N4BP2: variants seen among roughly 807,000 people sequenced by gnomAD.
N4BP2 encodes NEDD4-binding protein 2.
In N4BP2, 91 loss-of-function variants were observed where a neutral mutation model predicts 152.8. That is an observed-to-expected ratio of 0.60 (90% CI 0.50 to 0.71). N4BP2 has a LOEUF of 0.71. Among genes scored for constraint, N4BP2 ranks in the 30% least tolerant of loss-of-function variants. The pLI, the probability that N4BP2 is intolerant of heterozygous loss-of-function variation, is 0.00. For missense variants in N4BP2, 1,923 were observed against 2,059.1 expected, an observed-to-expected ratio of 0.93 and a Z score of 1.28; for synonymous variants, 646 against 705.3, an observed-to-expected ratio of 0.92 and a Z score of 1.33.
At chr4:40,178,309 T>C in the N4BP2 span, among the ~76,000 whole-genome samples, 1 of 152,036 alleles carries the variant, frequency 6.6e-6, no homozygotes, top group Non-Finnish European at 1.5e-5. Flanking sequence ...AATGAATAAA[T>C]TGGAAAATAA....
In N4BP2 at chr4:40,103,066, A is replaced by G; in HGVS notation, c.1221A>G (p.Pro407=). The G allele has an allele frequency of 6.2e-7, 1 of 1,614,190 alleles. No individual in the cohort carries two copies. The highest frequency in any genetic ancestry group is 8.5e-7 in the Non-Finnish European group (1 of 1,180,026). ...FPPSVISHTS[P]TKVWRNKDGT... ...CCTCAGTTATTTCTCACACTTCCCC[A>G]ACAAAAGTATGGAGAAATAAAGATG... Residue 407 remains proline (P), a synonymous_variant, in exon 4 of 18, where the codon CCA becomes CCG. Coordinates refer to ENST00000261435, the MANE Select transcript of N4BP2 (RefSeq NM_018177.6).
Position 40,139,368 on chromosome 4 carries a change from G to A in N4BP2, c.4785+2286G>A, listed in dbSNP as rs191766827. Among the ~76,000 whole-genome samples the A allele has an allele frequency of 2.4e-3, 361 of 152,068 alleles. 1 individual carries two copies. The highest frequency in any genetic ancestry group is 8.2e-3 in the African/African-American group (342 of 41,472). On this transcript the variant is annotated intron_variant, in intron 14 of 17. Coordinates refer to ENST00000261435, the MANE Select transcript of N4BP2 (RefSeq NM_018177.6). Reference sequence around the variant, plus strand: ...CGCCTCAGCCTTCCAAAGTGCTAGGGTTACAGGCTTGAGCCACCGCACCTG... The same window carrying A: ...CGCCTCAGCCTTCCAAAGTGCTAGGATTACAGGCTTGAGCCACCGCACCTG...
downstream of N4BP2, among the ~76,000 whole-genome samples, chr4:40,159,075 A>G (rs1021081936): frequency 4.6e-5 from 7 of 152,244 alleles, no homozygotes; most frequent in African/African-American, 1.4e-4. Context: ...TGCTATCCCA[A>G]TTTAATGAAT....
chr4:40,057,294 C>A (rs938843375), intron 1 of N4BP2: 1 of 152,520 alleles, frequency 6.6e-6, no homozygotes, highest in Non-Finnish European at 1.5e-5. Context: ...AAGGCGGGGG[C>A]CGCGGCCGCT....
chr4:40,171,045 A>C, the N4BP2 span, among the ~76,000 whole-genome samples: 3 of 152,208 alleles, frequency 2.0e-5, no homozygotes, highest in Non-Finnish European at 4.4e-5. Flanking sequence ...AGATTGGTGT[A>C]TATTTTATTT....
At chr4:40,117,765 G>T (rs1314803385) in intron 7 of N4BP2, 104 bp from the exon 8 acceptor site, 1 of 889,042 alleles carries the variant, frequency 1.1e-6, no homozygotes, top group Non-Finnish European at 1.6e-6. Flanking sequence ...TTTGATATTC[G>T]TATCTATTAG....
Position 40,113,418 on chromosome 4 carries a change from T to C in N4BP2, c.1588-14T>C, listed in dbSNP as rs761976419. ...ATACCTATTTTAAAATGTTTTTGTC[T>C]TTGTTGTATGTAGTCTCAGAAACAC... On this transcript the variant is annotated splice_polypyrimidine_tract_variant and intron_variant, in intron 6 of 17. Transcript: ENST00000261435. 4 of 1,573,518 alleles carry C rather than the reference T, an allele frequency of 2.5e-6. No individual in the cohort carries two copies. The East Asian group carries it at 9.0e-5, about 35-fold the overall frequency.
chr4:40,107,958 C>T (rs1251210489), intron 5 of N4BP2, among the ~76,000 whole-genome samples: 2 of 149,088 alleles, frequency 1.3e-5, no homozygotes, highest in Admixed American at 1.3e-4. Flanking sequence ...GTATCTCGCT[C>T]TGTTGCCCTG....
chr4:40,102,912 C>G lies in N4BP2; in HGVS notation c.1067C>G (p.Pro356Arg), dbSNP rs551937574. ...GCTCCTCTCCCATTGCTGTTGCCTC[C>G]TCCGCCACCTCCACCGATGTGGAAT... ...VLAPLPLLLP[P>R]PPPPPMWNPM... The change falls in exon 4 of 18, where the codon CCT becomes CGT. Residue 356 changes from proline to arginine, a missense_variant. By Grantham distance (103) the Pro-to-Arg change is moderately radical. Transcript: ENST00000261435. 2 of 1,614,220 alleles carry G rather than the reference C, an allele frequency of 1.2e-6. No homozygotes were observed. The highest frequency in any genetic ancestry group is 2.2e-5 in the South Asian group (2 of 91,078).
the N4BP2 span, among the ~76,000 whole-genome samples, chr4:40,163,912 A>G: frequency 6.6e-6 from 1 of 152,238 alleles, no homozygotes; most frequent in African/African-American, 2.4e-5. Flanking sequence ...CCGGCTATTA[A>G]TAGCAGAGCC....
chr4:40,146,661 G>A (rs1421233938), intron 16 of N4BP2, among the ~76,000 whole-genome samples: 2 of 152,120 alleles, frequency 1.3e-5, no homozygotes, highest in African/African-American at 2.4e-5. Flanking sequence ...TTACCATTTT[G>A]TGTGTGGGGG....
At chr4:40,093,029 T>A (rs1358299033) in intron 2 of N4BP2, among the ~76,000 whole-genome samples, 1 of 151,842 alleles carries the variant, frequency 6.6e-6, no homozygotes, top group Non-Finnish European at 1.5e-5. Context: ...CTGCAACCTC[T>A]GCCTCCTGGG....
In N4BP2 at chr4:40,122,011, T is replaced by G. The variant is rs1387914769; in HGVS notation, c.3900T>G (p.Asn1300Lys). ...CTAGTACTTCAAATCTTGAATTAAA[T>G]GAAGAAATTTATTTTACTGATTCTC... ...FVSSTSNLEL[N>K]EEIYFTDSLE... is the part of the protein sequence containing the mutation. Residue 1300 changes from asparagine to lysine, a missense_variant, in exon 9 of 18, where the codon AAT (asparagine) becomes AAG (lysine). Coordinates refer to ENST00000261435, the MANE Select transcript of N4BP2 (RefSeq NM_018177.6). 2 of 1,541,174 alleles carry G rather than the reference T, an allele frequency of 1.3e-6. No homozygotes were observed. Among genetic ancestry groups the G allele is most frequent in the Admixed American group, 2.1e-5 (1 of 48,004 alleles).
rs192546417 is a variant in N4BP2 at position 40,087,018 on chromosome 4, G to A, written c.-114-10209G>A. ...CCCACCTCAGCCTCCTAAAGTGCTG[G>A]CATTATAGGTGTAAGCCATCGTGCC... On this transcript the variant is annotated intron_variant, in intron 2 of 17. Transcript: ENST00000261435. Among the ~76,000 whole-genome samples, 6 of 152,228 alleles carry A rather than the reference G, an allele frequency of 3.9e-5. No individual in the cohort carries two copies. In the East Asian group the frequency reaches 1.2e-3, roughly 29 times the overall value.
At chr4:40,134,900 CCTT>C (rs1560630305) in intron 13 of N4BP2, among the ~76,000 whole-genome samples, 5 of 66,560 alleles carry the variant, frequency 7.5e-5, no homozygotes, top group Admixed American at 3.9e-4. Flanking sequence ...TTCCTTCCTT[CCTT>C]TCTCTCTCTC....
At chr4:40,167,292 C>A in the N4BP2 span, 1 of 152,098 alleles carries the variant, frequency 6.6e-6, no homozygotes, top group Non-Finnish European at 1.5e-5. Flanking sequence ...AAGTAAATTT[C>A]CTGAGCTGAA....
intron 5 of N4BP2, among the ~76,000 whole-genome samples, chr4:40,107,814 A>G (rs1184433712): frequency 6.6e-6 from 1 of 152,210 alleles, no homozygotes. Context: ...AGGTACTTAG[A>G]ATATTGTGTG....
At chr4:40,151,638 T>C (rs979897849) in intron 16 of N4BP2, among the ~76,000 whole-genome samples, 17 of 152,206 alleles carry the variant, frequency 1.1e-4, no homozygotes, top group Admixed American at 3.9e-4. Context: ...AGGTATATAG[T>C]GCAAAAACTT....
chr4:40,094,581 G>A (rs1485079484), intron 2 of N4BP2, among the ~76,000 whole-genome samples: 1 of 151,980 alleles, frequency 6.6e-6, no homozygotes, highest in Non-Finnish European at 1.5e-5. Flanking sequence ...TTGAGATGGA[G>A]TTTCGCTCTT....
Sources: gnomAD v4.1 joint callset for allele counts (sites outside exome capture counted in the v4.1 genomes callset) on GRCh38, gnomAD v4.1.1 for gene constraint, MANE v1.5 for transcripts, NCBI Gene and HGNC (gene_info 2026-07-23, HGNC 2026-07-21) for gene names.